MAGI1: variants seen among roughly 807,000 people sequenced by gnomAD.
MAGI1 encodes membrane associated guanylate kinase, WW and PDZ domain containing 1.
A neutral mutation model predicts 139.9 loss-of-function variants in MAGI1; 58 were observed. The observed-to-expected ratio is 0.41, with a 90% CI of 0.34 to 0.52. MAGI1 has a LOEUF of 0.52. MAGI1 is among the 20% of genes least tolerant of loss of function. The pLI, the probability that MAGI1 is intolerant of heterozygous loss-of-function variation, is 0.12. For missense variants in MAGI1, 1,874 were observed against 1,901.6 expected (o/e 0.99, Z 0.27); for synonymous variants, 812 against 737.9 (o/e 1.10, Z -1.63).
At chr3:65,576,186 T>G (rs536032898) in intron 2 of MAGI1, among the ~76,000 whole-genome samples, 8 of 152,342 alleles carry the variant, frequency 5.3e-5, no homozygotes, top group East Asian at 1.9e-4. Context: ...ACTTAGCATT[T>G]TTAGCGGTTT....
At chr3:65,503,646 A>T (rs1576058990) in intron 2 of MAGI1, among the ~76,000 whole-genome samples, 2 of 152,212 alleles carry the variant, frequency 1.3e-5, no homozygotes, top group African/African-American at 4.8e-5. Flanking sequence ...ATGGAAGAAC[A>T]CTGTGTGATG....
At position 65,439,928 on chromosome 3, in the gene MAGI1, T is replaced by TTGC. The variant is rs113562374; in HGVS notation, c.1218_1220dup (p.Gln421dup). The stretch of plus-strand genomic sequence containing the variant: ...GCTGCTGCTGCTGTTGCTGCTGCTG[T>TTGC]TGCTGCTGCTGCTGCTGCTCAAGCT... On this transcript the variant is annotated inframe_insertion, in exon 9 of 23. Transcript: ENST00000402939. 5.3e-5 allele frequency: 85 copies of TTGC among 1,604,398 alleles called. 1 individual carries two copies. Among genetic ancestry groups the TTGC allele is most frequent in the South Asian group, 3.0e-4 (27 of 90,634 alleles).
At chr3:65,731,144 T>C (rs918093679) in intron 1 of MAGI1, among the ~76,000 whole-genome samples, 5 of 152,186 alleles carry the variant, frequency 3.3e-5, no homozygotes, top group Non-Finnish European at 7.3e-5. Flanking sequence ...CATGATTTAA[T>C]GACTGGTATA....
chr3:65,456,305 T>C (rs1054321602), intron 5 of MAGI1, among the ~76,000 whole-genome samples: 1 of 152,230 alleles, frequency 6.6e-6, no homozygotes, highest in Non-Finnish European at 1.5e-5. Context: ...ATCTTCCATC[T>C]ATATACCCTT....
At position 65,364,856 on chromosome 3, in the gene MAGI1, G is replaced by C. The variant is rs755667537; in HGVS notation, c.3287C>G (p.Thr1096Arg). ...HTPSQQGTQE[T>R]RNTTKPKQES... ...AAGGAAACCAGTCATGTCTGACCTT[G>C]TCTCCTGGGTCCCTTGCTGAGAAGG... The change falls in exon 19 of 23, where the codon ACA becomes AGA. Residue 1096 changes from threonine (T) to arginine (R), a missense_variant. Physicochemically the swap from Thr to Arg is moderately conservative, Grantham distance 71 (BLOSUM62 -1). This residue lies in a region of MAGI1 where 653 missense variants were observed against 644.5 expected (regional missense o/e 1.01). Transcript: ENST00000402939. 1.9e-6 allele frequency: 3 copies of C among 1,614,030 alleles called. No individual in the cohort carries two copies. The South Asian group carries it at 3.3e-5, about 18-fold the overall frequency.
chr3:65,541,980 T>C (rs796904246), intron 2 of MAGI1, among the ~76,000 whole-genome samples: 31 of 152,310 alleles, frequency 2.0e-4, no homozygotes, highest in African/African-American at 7.5e-4. Context: ...GAAGTCAAAT[T>C]GTCCCTGTCT....
chr3:65,359,646 ACT>A, intron 22 of MAGI1: 4 of 989,916 alleles, frequency 4.0e-6, no homozygotes, highest in Non-Finnish European at 4.8e-6. Context: ...CCCATTTGTG[ACT>A]CTAATCAATG....
At chr3:66,008,537 C>A (rs2067152271) in intron 1 of MAGI1, among the ~76,000 whole-genome samples, 1 of 152,182 alleles carries the variant, frequency 6.6e-6, no homozygotes, top group African/African-American at 2.4e-5. Flanking sequence ...CATACAACCA[C>A]AAACGCACAT....
Position 65,391,349 on chromosome 3 carries a change from C to T in MAGI1, c.2209G>A (p.Glu737Lys), listed in dbSNP as rs938844765. The T allele has an allele frequency of 1.2e-6, 2 of 1,614,006 alleles. No individual in the cohort carries two copies. Among genetic ancestry groups the T allele is most frequent in the African/African-American group, 2.7e-5 (2 of 75,034 alleles). The change falls in exon 14 of 23, where the codon GAA becomes AAA. Residue 737 changes from glutamate (E) to lysine (K), a missense_variant. Around this residue, in one of 5 missense-constraint regions of MAGI1, gnomAD observed 482 missense variants for 509.6 expected, o/e 0.95. Coordinates refer to ENST00000402939, the MANE Select transcript of MAGI1 (RefSeq NM_001033057.2). ...GAACTATTCTGGCTGTCTTTCCTTT[C>T]CAGTGGTTGCTGAAAGTAAGCAAGT... ...PKKSPKSQPL[E>K]RKDSQNSSQH...
chr3:65,808,027 C>G (rs1201384031), intron 1 of MAGI1, among the ~76,000 whole-genome samples: 1 of 147,976 alleles, frequency 6.8e-6, no homozygotes, highest in Non-Finnish European at 1.5e-5. Context: ...TTTTTTTTGG[C>G]TCTTGTTGCC....
At chr3:65,939,045 T>A (rs555853146) in intron 1 of MAGI1, among the ~76,000 whole-genome samples, 1 of 152,060 alleles carries the variant, frequency 6.6e-6, no homozygotes, top group East Asian at 1.9e-4. Flanking sequence ...TGCGCCCCCA[T>A]CCCAAAATCA....
chr3:65,818,585 C>A (rs1108716), intron 1 of MAGI1, among the ~76,000 whole-genome samples: 99,758 of 151,966 alleles, frequency 0.66, 33,082 homozygotes, highest in East Asian at 0.93. Context: ...CCAAGAAATG[C>A]CTTGTACAAC....
intron 2 of MAGI1, among the ~76,000 whole-genome samples, chr3:65,571,401 A>G (rs1028864702): frequency 2.0e-5 from 3 of 152,110 alleles, no homozygotes; most frequent in African/African-American, 7.2e-5. Flanking sequence ...AGGGCTTATC[A>G]CTCAAAGAAA....
chr3:65,598,327 AG>A (rs1232329253), intron 2 of MAGI1, among the ~76,000 whole-genome samples: 2 of 152,138 alleles, frequency 1.3e-5, no homozygotes, highest in Non-Finnish European at 2.9e-5. Flanking sequence ...GGCGGGAAAT[AG>A]GGTTGCCCCA....
chr3:65,589,596 G>C (rs193065625), intron 2 of MAGI1, among the ~76,000 whole-genome samples: 239 of 152,122 alleles, frequency 1.6e-3, no homozygotes, highest in African/African-American at 5.6e-3. Context: ...TCAAGGGTTG[G>C]GAAATTTTTT....
At chr3:65,910,277 T>C (rs1255334176) in intron 1 of MAGI1, among the ~76,000 whole-genome samples, 2 of 152,186 alleles carry the variant, frequency 1.3e-5, no homozygotes, top group Non-Finnish European at 2.9e-5. Flanking sequence ...TGTTAAGAGA[T>C]AGATATAATT....
At chr3:65,637,962 C>T (rs1222702781) in intron 1 of MAGI1, among the ~76,000 whole-genome samples, 1 of 152,136 alleles carries the variant, frequency 6.6e-6, no homozygotes, top group East Asian at 1.9e-4. Context: ...AGAATAGAGT[C>T]TCTTGGACTA....
chr3:65,860,770 T>C (rs1029670930), intron 1 of MAGI1, among the ~76,000 whole-genome samples: 2 of 152,196 alleles, frequency 1.3e-5, no homozygotes, highest in Non-Finnish European at 2.9e-5. Flanking sequence ...CCCCAGCTTC[T>C]CTGAGAAGGC....
intron 1 of MAGI1, among the ~76,000 whole-genome samples, chr3:65,688,705 T>C (rs577831763): frequency 5.9e-5 from 9 of 152,320 alleles, no homozygotes; most frequent in Non-Finnish European, 1.0e-4. Context: ...TTATGACCTA[T>C]GACATTCATC....
Sources: gnomAD v4.1 joint callset for allele counts (sites outside exome capture counted in the v4.1 genomes callset) on GRCh38, gnomAD v4.1.1 for gene constraint, gnomAD v4.1.1 regional missense constraint, MANE v1.5 for transcripts, NCBI Gene and HGNC (gene_info 2026-07-23, HGNC 2026-07-21) for gene names.